Variants in FAF1 observed in about 807,000 individuals in gnomAD.
The protein encoded by FAF1 is Fas associated factor 1.
In FAF1, 25 loss-of-function variants were observed where a neutral mutation model predicts 92.5. That is an observed-to-expected ratio of 0.27 (90% CI 0.20 to 0.38). FAF1 has a LOEUF of 0.38. FAF1 is among the 10% of genes least tolerant of loss of function. The pLI is 1.00. For synonymous variants in FAF1, 234 were observed against 273.2 expected, an observed-to-expected ratio of 0.86 and a Z score of 1.42; for missense variants, 636 against 793.3, an observed-to-expected ratio of 0.80 and a Z score of 2.38.
At chr1:50,632,433 C>A (rs1653830953) in intron 8 of FAF1, among the ~76,000 whole-genome samples, 1 of 152,126 alleles carries the variant, frequency 6.6e-6, no homozygotes, top group South Asian at 2.1e-4. Context: ...CATGTGCAAT[C>A]CATATGCTTG....
chr1:50,559,676 CA>C (rs1649777433), intron 13 of FAF1, among the ~76,000 whole-genome samples: 1 of 152,100 alleles, frequency 6.6e-6, no homozygotes, highest in Non-Finnish European at 1.5e-5. Context: ...CACTAAAAAT[CA>C]AAAGCAGAAG....
At chr1:50,620,681 T>C (rs549956100) in intron 8 of FAF1, among the ~76,000 whole-genome samples, 1 of 152,370 alleles carries the variant, frequency 6.6e-6, no homozygotes, top group African/African-American at 2.4e-5. Flanking sequence ...GGTGAATTCT[T>C]GCACTTGGTT....
chr1:50,610,922 G>A (rs1466485894), intron 8 of FAF1, among the ~76,000 whole-genome samples: 6 of 152,180 alleles, frequency 3.9e-5, no homozygotes, highest in Non-Finnish European at 8.8e-5. Flanking sequence ...ATTTAAACCT[G>A]TAAAAGCAGG....
At chr1:50,611,724 T>G (rs1449484638) in intron 8 of FAF1, among the ~76,000 whole-genome samples, 1 of 151,782 alleles carries the variant, frequency 6.6e-6, no homozygotes, top group East Asian at 1.9e-4. Context: ...AAAACAGGAG[T>G]GGACAGATAC....
intron 1 of FAF1, among the ~76,000 whole-genome samples, chr1:50,899,223 C>T (rs1347413087): frequency 2.0e-5 from 3 of 152,168 alleles, no homozygotes; most frequent in African/African-American, 7.2e-5. Flanking sequence ...TGATTTAGGA[C>T]TTTTCACATG....
intron 6 of FAF1, among the ~76,000 whole-genome samples, chr1:50,713,143 G>A (rs1249619269): frequency 1.7e-5 from 2 of 116,392 alleles, no homozygotes; most frequent in East Asian, 5.2e-4. Flanking sequence ...CTGAGTGACA[G>A]AGCCAGACCC....
intron 12 of FAF1, 144 bp from the exon 13 acceptor site, chr1:50,567,375 G>C (rs1372292274): frequency 1.9e-6 from 1 of 529,392 alleles, no homozygotes; most frequent in Non-Finnish European, 3.1e-6. Context: ...ACATTTTGGA[G>C]TTCCTAAAGC....
intron 8 of FAF1, among the ~76,000 whole-genome samples, chr1:50,639,993 CCATAT>C (rs898562526): frequency 2.0e-5 from 3 of 149,682 alleles, no homozygotes; most frequent in African/African-American, 7.4e-5. Flanking sequence ...TGGTACCATA[CCATAT>C]AACATAAAAT....
chr1:50,934,532 G>A (rs972272675), intron 1 of FAF1, among the ~76,000 whole-genome samples: 1 of 152,048 alleles, frequency 6.6e-6, no homozygotes, highest in African/African-American at 2.4e-5. Context: ...AGACCAGCCT[G>A]GGCAACAAAG....
rs375887522 is a variant in FAF1 at position 50,490,653 on chromosome 1, C to G, written c.1588G>C (p.Glu530Gln). The G allele has an allele frequency of 6.2e-7, 1 of 1,609,800 alleles. No individual in the cohort carries two copies. ...EADRAKREAHEREMAEQFRLE... is the reference protein window; with the variant it reads ...EADRAKREAHQREMAEQFRLE... Reference sequence around the variant, plus strand: ...CGAAACTGTTCTGCCATCTCTCTCTCGTGAGCTTCCCTCTGTTGATAAAAC... The same window carrying G: ...CGAAACTGTTCTGCCATCTCTCTCTGGTGAGCTTCCCTCTGTTGATAAAAC... Residue 530 changes from glutamate (E) to glutamine (Q), a missense_variant, in exon 17 of 19, where the codon GAG becomes CAG. Coordinates refer to ENST00000396153, the MANE Select transcript of FAF1 (RefSeq NM_007051.3).
chr1:50,694,004 T>TATACATGACATATATGACATATATATGAC lies in FAF1; in HGVS notation c.657+11781_657+11782insGTCATATATATGTCATATATGTCATGTAT, dbSNP rs1557479119. ...ATCTATATGTATATGTGTCATTATA[T>TATACATGACATATATGACATATATATGAC]ATATACATGACATATATGACATATA... On this transcript the variant is annotated intron_variant, in intron 7 of 18. Transcript: ENST00000396153. Among the ~76,000 whole-genome samples the TATACATGACATATATGACATATATATGAC allele has an allele frequency of 2.4e-3, 356 of 149,518 alleles. 2 individuals are homozygous for TATACATGACATATATGACATATATATGAC. The highest frequency in any genetic ancestry group is 8.6e-3 in the African/African-American group (336 of 39,016).
intron 15 of FAF1, among the ~76,000 whole-genome samples, chr1:50,526,648 G>A (rs1222295168): frequency 1.3e-5 from 2 of 151,772 alleles, no homozygotes; most frequent in South Asian, 2.1e-4. Flanking sequence ...AAACAGTCAT[G>A]TACAAATGTT....
intron 1 of FAF1, among the ~76,000 whole-genome samples, chr1:50,926,962 A>G (rs775864028): frequency 1.6e-4 from 25 of 152,260 alleles, no homozygotes; most frequent in Non-Finnish European, 2.9e-4. Flanking sequence ...ACATGCTATA[A>G]AACGGATGTA....
intron 18 of FAF1, among the ~76,000 whole-genome samples, chr1:50,467,681 T>C (rs562011998): frequency 2.0e-5 from 3 of 152,198 alleles, no homozygotes; most frequent in Non-Finnish European, 4.4e-5. Flanking sequence ...GGAAGCATGA[T>C]GGCATAAGGA....
chr1:50,639,450 C>T (rs1362233703), intron 8 of FAF1, among the ~76,000 whole-genome samples: 3 of 152,150 alleles, frequency 2.0e-5, no homozygotes, highest in Non-Finnish European at 2.9e-5. Context: ...TTATTAAATG[C>T]TTTTCCAGGA....
intron 12 of FAF1, among the ~76,000 whole-genome samples, chr1:50,578,653 T>G (rs1176922651): frequency 1.3e-5 from 2 of 152,136 alleles, no homozygotes; most frequent in Non-Finnish European, 2.9e-5. Flanking sequence ...AAAATGGGAA[T>G]ATGAGGATTA....
intron 8 of FAF1, among the ~76,000 whole-genome samples, chr1:50,618,414 GTTTTTTTT>G (rs540421778): frequency 1.8e-5 from 2 of 111,886 alleles, no homozygotes; most frequent in Non-Finnish European, 3.6e-5. Context: ...AGTTTTTAGA[GTTTTTTTT>G]TTTTTTTTTT....
intron 3 of FAF1, 55 bp downstream of exon 3, chr1:50,801,576 G>T: frequency 1.1e-6 from 1 of 951,602 alleles, no homozygotes; most frequent in Non-Finnish European, 1.7e-6. Flanking sequence ...TTAACAGCTA[G>T]CTCTGTTCTT....
chr1:50,837,053 G>A (rs1644213155), intron 2 of FAF1, among the ~76,000 whole-genome samples: 1 of 146,786 alleles, frequency 6.8e-6, no homozygotes, highest in Non-Finnish European at 1.5e-5. Flanking sequence ...TGCATCCCAG[G>A]TTCACGCCAT....
Sources: allele counts gnomAD v4.1 joint callset (sites outside exome capture counted in the v4.1 genomes callset), GRCh38; gene constraint gnomAD v4.1.1; transcripts MANE v1.5; gene names NCBI Gene and HGNC (gene_info 2026-07-23, HGNC 2026-07-21).